CHRNB3: variants seen among roughly 807,000 people sequenced by gnomAD.
The protein encoded by CHRNB3 is cholinergic receptor nicotinic beta 3 subunit.
Under a neutral mutation model 40.6 loss-of-function variants are expected in CHRNB3, and 37 were observed. The observed-to-expected ratio is 0.91, with a 90% CI of 0.70 to 1.20. CHRNB3 has a LOEUF of 1.20. CHRNB3 is among the 50% of genes most tolerant of loss of function. CHRNB3 has a pLI of 0.00. For missense variants in CHRNB3, 505 were observed against 551.2 expected (o/e 0.92, Z 0.84); for synonymous variants, 207 against 207.1 (o/e 1.00, Z 0.00).
At chr8:42,733,166 C>T (rs1816458540) in intron 5 of CHRNB3, among the ~76,000 whole-genome samples, 3 of 151,600 alleles carry the variant, frequency 2.0e-5, no homozygotes, top group South Asian at 2.1e-4. Flanking sequence ...CCTGTCTCTA[C>T]AAAAAATTTA....
At chr8:42,717,819 C>CTTTTTTTTTT in intron 3 of CHRNB3, among the ~76,000 whole-genome samples, 1 of 100,184 alleles carries the variant, frequency 1.0e-5, no homozygotes, top group Non-Finnish European at 1.9e-5. Flanking sequence ...CTTTCTCATC[C>CTTTTTTTTTT]TTTTTTTTTT....
intron 3 of CHRNB3, among the ~76,000 whole-genome samples, chr8:42,715,581 G>A (rs973152467): frequency 1.3e-5 from 2 of 152,070 alleles, no homozygotes; most frequent in African/African-American, 2.4e-5. Context: ...CCATGGTAGC[G>A]CATGCAAATG....
chr8:42,718,274 A>T (rs1816154058), intron 3 of CHRNB3, among the ~76,000 whole-genome samples: 1 of 152,142 alleles, frequency 6.6e-6, no homozygotes, highest in Non-Finnish European at 1.5e-5. Flanking sequence ...CACATCTAAG[A>T]TGACTAGAGA....
chr8:42,731,798 G>C lies in CHRNB3; in HGVS notation c.491G>C (p.Arg164Pro). The change falls in exon 5 of 6, where the codon CGA (arginine) becomes CCA (proline). Residue 164 changes from arginine (R) to proline (P), a missense_variant. Arg to Pro is a moderately radical substitution (Grantham distance 103). Coordinates refer to ENST00000289957, the MANE Select transcript of CHRNB3 (RefSeq NM_000749.5). ...TMDVTFFPFD[R>P]QNCSMKFGSW... ...GACGTCACGTTTTTCCCGTTCGACC[G>C]ACAGAACTGCTCCATGAAGTTTGGA... The C allele has an allele frequency of 6.2e-7, 1 of 1,614,022 alleles. No homozygotes were observed. The highest frequency in any genetic ancestry group is 1.3e-5 in the African/African-American group (1 of 74,966).
In CHRNB3 at chr8:42,703,435, A is replaced by AAAATATATATATATATATATATATAT; in HGVS notation, c.53-5281_53-5280insAATATATATATATATATATATATATA. On this transcript the variant is annotated intron_variant, in intron 1 of 5. Coordinates refer to ENST00000289957, the MANE Select transcript of CHRNB3 (RefSeq NM_000749.5). ...CAAGACTTCGTCTAAAAAAAAAAAAAATATTTATATATATATATATATATA... is the reference window on the plus strand; with the variant it reads ...CAAGACTTCGTCTAAAAAAAAAAAAAAAATATATATATATATATATATATATATATTTATATATATATATATATATA... Among the ~76,000 whole-genome samples, 20 of 47,402 alleles carry AAAATATATATATATATATATATATAT rather than the reference A, an allele frequency of 4.2e-4. 1 individual carries two copies. Among genetic ancestry groups the AAAATATATATATATATATATATATAT allele is most frequent in the Non-Finnish European group, 8.8e-4 (19 of 21,528 alleles). The allele number at this position is 47,402 out of a possible 152,430, so 31.1% of individuals were successfully genotyped here. A position where few individuals can be genotyped will look rare whatever the true frequency, so the allele number is the denominator to read the frequency against.
chr8:42,707,328 G>A (rs896729260), intron 1 of CHRNB3, among the ~76,000 whole-genome samples: 4 of 152,244 alleles, frequency 2.6e-5, no homozygotes, highest in Admixed American at 6.5e-5. Context: ...AACCTGGAGG[G>A]TATGTCTCTC....
At chr8:42,725,002 A>C (rs1816281491) in intron 3 of CHRNB3, among the ~76,000 whole-genome samples, 1 of 151,698 alleles carries the variant, frequency 6.6e-6, no homozygotes, top group Non-Finnish European at 1.5e-5. Context: ...AAAAAAGAAA[A>C]CACTGGAATT....
chr8:42,708,121 G>A (rs749572162), intron 1 of CHRNB3, among the ~76,000 whole-genome samples: 1 of 152,196 alleles, frequency 6.6e-6, no homozygotes, highest in South Asian at 2.1e-4. Context: ...TGGGACCTGG[G>A]TGTTGACCCC....
intron 3 of CHRNB3, among the ~76,000 whole-genome samples, chr8:42,729,267 G>A (rs1425363273): frequency 2.6e-5 from 4 of 151,898 alleles, no homozygotes; most frequent in Non-Finnish European, 5.9e-5. Flanking sequence ...AAAATTAGCC[G>A]GGCGTGGTGG....
rs538382069 is a variant in CHRNB3, at chr8:42,718,550, G to A, written c.249+8116G>A. Among the ~76,000 whole-genome samples the A allele has an allele frequency of 3.2e-4, 48 of 152,058 alleles. No homozygotes were observed. The South Asian group carries it at 9.3e-3, about 30-fold the overall frequency. On this transcript the variant is annotated intron_variant, in intron 3 of 5. Coordinates refer to ENST00000289957, the MANE Select transcript of CHRNB3 (RefSeq NM_000749.5). Reference sequence around the variant, plus strand: ...TAGCCGGGCATGGTGGCAGGTGCCTGTAGTCCCAGCTACTCGGGAGGCTGA... The same window carrying A: ...TAGCCGGGCATGGTGGCAGGTGCCTATAGTCCCAGCTACTCGGGAGGCTGA...
chr8:42,734,459 A>G (rs55828312), intron 5 of CHRNB3, among the ~76,000 whole-genome samples: 55,560 of 144,942 alleles, frequency 0.38, 14,942 homozygotes, highest in African/African-American at 0.77. Context: ...TCGCTCTGTC[A>G]CCGAGGCTGT....
intron 1 of CHRNB3, among the ~76,000 whole-genome samples, chr8:42,697,949 T>C (rs1040753329): frequency 8.5e-5 from 13 of 152,270 alleles, no homozygotes; most frequent in African/African-American, 3.1e-4. Context: ...AAATTTACTA[T>C]ATCAACATTT....
chr8:42,727,099 G>A (rs953532785), intron 3 of CHRNB3, among the ~76,000 whole-genome samples: 2 of 152,264 alleles, frequency 1.3e-5, no homozygotes, highest in African/African-American at 4.8e-5. Flanking sequence ...AGGGCCGGGC[G>A]CCGTGGCTCA....
At chr8:42,719,725 CAGA>C (rs1816185279) in intron 3 of CHRNB3, among the ~76,000 whole-genome samples, 3 of 152,118 alleles carry the variant, frequency 2.0e-5, no homozygotes, top group Non-Finnish European at 4.4e-5. Flanking sequence ...TGTCTGATAG[CAGA>C]AGGACACTAA....
chr8:42,720,212 T>G (rs1392933301), intron 3 of CHRNB3, among the ~76,000 whole-genome samples: 1 of 131,670 alleles, frequency 7.6e-6, no homozygotes, highest in African/African-American at 2.7e-5. Context: ...GCCTCCCAGG[T>G]TCAAGAGATT....
At chr8:42,705,318 G>A (rs1433502114) in intron 1 of CHRNB3, among the ~76,000 whole-genome samples, 3 of 152,240 alleles carry the variant, frequency 2.0e-5, no homozygotes, top group African/African-American at 7.2e-5. Flanking sequence ...GGAACTGGCA[G>A]TGTCTGCCAC....
chr8:42,703,788 A>G (rs1458977112), intron 1 of CHRNB3, among the ~76,000 whole-genome samples: 4 of 152,088 alleles, frequency 2.6e-5, no homozygotes, highest in African/African-American at 9.7e-5. Flanking sequence ...TCAAATATTT[A>G]TGGAGGCCCT....
chr8:42,706,612 G>A (rs1815926757), intron 1 of CHRNB3, among the ~76,000 whole-genome samples: 1 of 152,090 alleles, frequency 6.6e-6, no homozygotes, highest in Non-Finnish European at 1.5e-5. Flanking sequence ...CTTCAAGAAT[G>A]TCCCTCTGAG....
In CHRNB3 at chr8:42,732,511, A is replaced by C; in HGVS notation, c.1204A>C (p.Ile402Leu). ...AAAAGCTGCTGATTCCATTAGATAC[A>C]TTTCGAGACATGTGAAGAAAGAACA... ...LEKAADSIRY[I>L]SRHVKKEHFI... is the part of the protein sequence containing the mutation. The change falls in exon 5 of 6, where the codon ATT becomes CTT. Residue 402 changes from isoleucine (I) to leucine (L), a missense_variant. Transcript: ENST00000289957. The C allele has an allele frequency of 6.2e-7, 1 of 1,604,366 alleles. No homozygotes were observed. The highest frequency in any genetic ancestry group is 1.3e-5 in the African/African-American group (1 of 74,278).
Sources: allele counts gnomAD v4.1 joint callset (sites outside exome capture counted in the v4.1 genomes callset), GRCh38; gene constraint gnomAD v4.1.1; transcripts MANE v1.5; gene names NCBI Gene and HGNC (gene_info 2026-07-23, HGNC 2026-07-21).